VPS13D: variants seen among roughly 807,000 people sequenced by gnomAD.
The protein encoded by VPS13D is intermembrane lipid transfer protein VPS13D.
A neutral mutation model predicts 461.9 loss-of-function variants in VPS13D; 187 were observed. That is an observed-to-expected ratio of 0.40 (90% CI 0.36 to 0.46). The LOEUF (loss-of-function observed/expected upper bound fraction) is 0.46. Ranked by LOEUF, VPS13D falls within the 20% of genes least tolerant of loss-of-function variation. The pLI is 0.60. For missense variants in VPS13D, 4,711 were observed against 5,364.9 expected (o/e 0.88, Z 3.81); for synonymous variants, 1,951 against 1,986.3 (o/e 0.98, Z 0.47).
At chr1:12,232,570 C>T (rs1640011903) in intron 1 of VPS13D, among the ~76,000 whole-genome samples, 1 of 150,816 alleles carries the variant, frequency 6.6e-6, no homozygotes, top group Admixed American at 6.6e-5. Context: ...TGAGCAATCT[C>T]AGAACCCAGT....
In VPS13D at chr1:12,410,078, C is replaced by T. The variant is rs114347083; in HGVS notation, c.12031-5009C>T. Among the ~76,000 whole-genome samples, 753 of 152,254 alleles carry T rather than the reference C, an allele frequency of 4.9e-3. 2 individuals are homozygous for T. Among genetic ancestry groups the T allele is most frequent in the African/African-American group, 0.016 (676 of 41,526 alleles). ...TTAGACTTCATTGCTACTAAGAGAG[C>T]TGGTAATTGAAGGGCTAATATCTTA... On this transcript the variant is annotated intron_variant, in intron 63 of 69. Transcript: ENST00000620676.
In VPS13D at chr1:12,458,503, G is replaced by C. The variant is rs1645359303; in HGVS notation, c.12467-1698G>C. Among the ~76,000 whole-genome samples the C allele has an allele frequency of 2.0e-5, 3 of 152,172 alleles. No homozygotes were observed. The South Asian group carries it at 6.2e-4, about 32-fold the overall frequency. On this transcript the variant is annotated intron_variant, in intron 66 of 69. Coordinates refer to ENST00000620676, the MANE Select transcript of VPS13D (RefSeq NM_015378.4). ...AATCGCTTGAGCCCAGGAGTTTAAG[G>C]CTGCAGCAAGCGGTAATCATGCCAC...
chr1:12,508,879 G>A lies in VPS13D; in HGVS notation c.13036-14G>A. On this transcript the variant is annotated splice_polypyrimidine_tract_variant and intron_variant, in intron 69 of 69. Coordinates refer to ENST00000620676, the MANE Select transcript of VPS13D (RefSeq NM_015378.4). The stretch of plus-strand genomic sequence containing the variant: ...ATCCTGGGGACAGGTGACCCATCCT[G>A]TTCTCCTCCTTAGGTCCATGTGAAA... 1 of 1,613,174 alleles carries A rather than the reference G, an allele frequency of 6.2e-7. No individual in the cohort carries two copies. The highest frequency in any genetic ancestry group is 1.3e-5 in the African/African-American group (1 of 75,010).
At chr1:12,393,000 G>A (rs1323333967) in intron 60 of VPS13D, among the ~76,000 whole-genome samples, 1 of 152,156 alleles carries the variant, frequency 6.6e-6, no homozygotes, top group Non-Finnish European at 1.5e-5. Context: ...GGCCCACTAG[G>A]CATTGTAACT....
chr1:12,348,025 G>T (rs1329852030), intron 44 of VPS13D, among the ~76,000 whole-genome samples: 2 of 152,096 alleles, frequency 1.3e-5, no homozygotes, highest in Non-Finnish European at 2.9e-5. Flanking sequence ...TATTTTTAAA[G>T]TTCTTTAAAA....
At chr1:12,421,763 G>A (rs751015452) in intron 65 of VPS13D, among the ~76,000 whole-genome samples, 2 of 152,188 alleles carry the variant, frequency 1.3e-5, no homozygotes, top group Non-Finnish European at 2.9e-5. Flanking sequence ...ATTTCTTCCA[G>A]CAAAGGAGAG....
At chr1:12,492,615 G>A (rs774494378) in intron 67 of VPS13D, among the ~76,000 whole-genome samples, 1 of 152,182 alleles carries the variant, frequency 6.6e-6, no homozygotes, top group Non-Finnish European at 1.5e-5. Flanking sequence ...TTAAGTGAAC[G>A]TTTATATCTT....
intron 65 of VPS13D, among the ~76,000 whole-genome samples, chr1:12,423,580 A>G (rs1557429852): frequency 6.6e-6 from 1 of 152,142 alleles, no homozygotes; most frequent in Non-Finnish European, 1.5e-5. Flanking sequence ...ATTTTGTTCC[A>G]TTTCTTTGGT....
chr1:12,391,253 G>GT (rs1644423005), intron 60 of VPS13D, among the ~76,000 whole-genome samples: 1 of 152,188 alleles, frequency 6.6e-6, no homozygotes, highest in Non-Finnish European at 1.5e-5. Flanking sequence ...CCTAGAAAGG[G>GT]GCTGTAGTGC....
At chr1:12,286,021 T>TCCTCTCCTCC (rs1641964582) in intron 21 of VPS13D, among the ~76,000 whole-genome samples, 1 of 129,578 alleles carries the variant, frequency 7.7e-6, no homozygotes, top group African/African-American at 2.9e-5. Flanking sequence ...TCCTCTCCTC[T>TCCTCTCCTCC]CCTCCTCTCC....
intron 27 of VPS13D, among the ~76,000 whole-genome samples, chr1:12,310,193 G>C (rs1266161120): frequency 1.3e-5 from 2 of 152,166 alleles, no homozygotes; most frequent in Non-Finnish European, 2.9e-5. Flanking sequence ...AGGCCTGATA[G>C]AAGGTGATGC....
intron 5 of VPS13D, among the ~76,000 whole-genome samples, chr1:12,246,998 A>G (rs978567744): frequency 6.6e-6 from 1 of 151,884 alleles, no homozygotes; most frequent in African/African-American, 2.4e-5. Context: ...GATATCTTGG[A>G]GTAGAATTGA....
rs1463175203 is a variant in VPS13D, at chr1:12,335,813, C to T, written c.8537C>T (p.Pro2846Leu). The T allele has an allele frequency of 1.2e-6, 2 of 1,613,964 alleles. No homozygotes were observed. Among genetic ancestry groups the T allele is most frequent in the Admixed American group, 3.3e-5 (2 of 60,002 alleles). ...EDWMGSSVDPPCFGQSLPLVY... is the reference protein window; with the variant it reads ...EDWMGSSVDPLCFGQSLPLVY... ...TGGATGGGCTCTTCGGTGGATCCTCCATGTTTTGGACAAAGTAAGAGTTTT... is the reference window on the plus strand; with the variant it reads ...TGGATGGGCTCTTCGGTGGATCCTCTATGTTTTGGACAAAGTAAGAGTTTT... The change falls in exon 39 of 70, where the codon CCA becomes CTA. Residue 2846 changes from proline (P) to leucine (L), a missense_variant. Coordinates refer to ENST00000620676, the MANE Select transcript of VPS13D (RefSeq NM_015378.4).
At position 12,361,482 on chromosome 1, in the gene VPS13D, G is replaced by A. The variant is rs1440467466; in HGVS notation, c.10142-1238G>A. ...GGGATCTCGGCTCACTGCAAGCTCCGCCTCCCGGGTCCACGCCATTCTCCT... is the reference window on the plus strand; with the variant it reads ...GGGATCTCGGCTCACTGCAAGCTCCACCTCCCGGGTCCACGCCATTCTCCT... On this transcript the variant is annotated intron_variant, in intron 50 of 69. Coordinates refer to ENST00000620676, the MANE Select transcript of VPS13D (RefSeq NM_015378.4). Among the ~76,000 whole-genome samples the A allele has an allele frequency of 5.9e-3, 868 of 147,978 alleles. 7 individuals are homozygous for A. Among genetic ancestry groups the A allele is most frequent in the African/African-American group, 0.019 (757 of 40,330 alleles).
chr1:12,254,148 T>C (rs1283705343), intron 7 of VPS13D, among the ~76,000 whole-genome samples: 2 of 152,260 alleles, frequency 1.3e-5, no homozygotes, highest in African/African-American at 2.4e-5. Context: ...CACTGCATAG[T>C]ATTCCACCGT....
At chr1:12,346,467 T>C (rs905822489) in intron 43 of VPS13D, 138 bp from the exon 44 acceptor site, 10 of 775,932 alleles carry the variant, frequency 1.3e-5, no homozygotes, top group Admixed American at 8.7e-5. Context: ...AGGAGATGTT[T>C]TATCTTCATA....
In VPS13D at chr1:12,354,186, T is replaced by C; in HGVS notation, c.9644T>C (p.Leu3215Pro). The change falls in exon 47 of 70, where the codon CTC becomes CCC. Residue 3215 changes from leucine (L) to proline (P), a missense_variant. Around this residue, in one of 3 missense-constraint regions of VPS13D, gnomAD observed 4,411 missense variants for 4,937.8 expected, o/e 0.89. Transcript: ENST00000620676. ...GTLKPGKEAALHTADTSQNIE... is the reference protein window; with the variant it reads ...GTLKPGKEAAPHTADTSQNIE... The stretch of plus-strand genomic sequence containing the variant: ...CTGAAACCTGGCAAGGAGGCAGCTC[T>C]CCATACAGCTGATACATCCCAGAAC... The C allele has an allele frequency of 1.2e-6, 2 of 1,614,190 alleles. No individual in the cohort carries two copies. Among genetic ancestry groups the C allele is most frequent in the Non-Finnish European group, 8.5e-7 (1 of 1,180,034 alleles).
rs140911757 is a variant in VPS13D, at chr1:12,302,783, T to C, written c.6217-1723T>C. ...TTTTTTTTTTAAGTGTTTGAATTAC[T>C]TTCATACTATGTAAAGATGTTGTTC... On this transcript the variant is annotated intron_variant, in intron 25 of 69. Coordinates refer to ENST00000620676, the MANE Select transcript of VPS13D (RefSeq NM_015378.4). Among the ~76,000 whole-genome samples the C allele has an allele frequency of 4.9e-3, 749 of 152,196 alleles. 7 individuals are homozygous for C. Among genetic ancestry groups the C allele is most frequent in the African/African-American group, 0.016 (678 of 41,520 alleles).
intron 65 of VPS13D, among the ~76,000 whole-genome samples, chr1:12,435,188 G>T (rs766416786): frequency 6.6e-6 from 1 of 152,008 alleles, no homozygotes; most frequent in Non-Finnish European, 1.5e-5. Flanking sequence ...TAACTGAATG[G>T]ATAGCTTTAA....
Sources: allele counts gnomAD v4.1 joint callset (sites outside exome capture counted in the v4.1 genomes callset), GRCh38; gene constraint gnomAD v4.1.1; regional missense constraint gnomAD v4.1.1; transcripts MANE v1.5; gene names NCBI Gene and HGNC (gene_info 2026-07-23, HGNC 2026-07-21).